Variants in CLPTM1L observed in about 807,000 individuals in gnomAD.
CLPTM1L encodes the protein CLPTM1 like, also known as lipid scramblase CLPTM1L.
CLPTM1L carries 38 observed loss-of-function variants against 70.9 expected under a neutral mutation model. That is an observed-to-expected ratio of 0.54 (90% CI 0.41 to 0.70). The LOEUF is 0.70. Among genes scored for constraint, CLPTM1L ranks in the 30% least tolerant of loss-of-function variants. The probability of loss-of-function intolerance (pLI) is 0.00; values close to 1 mark genes in which losing one functional copy is unlikely to be tolerated. For synonymous variants in CLPTM1L, 339 were observed against 299.9 expected, an observed-to-expected ratio of 1.13 and a Z score of -1.35; for missense variants, 652 against 705.9, an observed-to-expected ratio of 0.92 and a Z score of 0.87.
intron 8 of CLPTM1L, chr5:1,331,120 ACCG>A (rs1455826561): frequency 6.5e-6 from 1 of 153,370 alleles, no homozygotes; most frequent in Non-Finnish European, 1.4e-5. Context: ...CCCTGTCCAG[ACCG>A]CCGCTCCCCA....
chr5:1,323,985 G>A (rs1168034047), intron 11 of CLPTM1L, 116 bp from the exon 12 acceptor site: 3 of 812,372 alleles, frequency 3.7e-6, no homozygotes, highest in Non-Finnish European at 6.2e-6. Flanking sequence ...CGCTCAGGGT[G>A]GCAGGGCTGC....
At chr5:1,324,408 G>A (rs112982057) in intron 11 of CLPTM1L, among the ~76,000 whole-genome samples, 2,037 of 152,354 alleles carry the variant, frequency 0.013, 48 homozygotes, top group African/African-American at 0.045. Context: ...GCCACTGTGC[G>A]GCCGCGGCCA....
intron 1 of CLPTM1L, 23 bp from the exon 2 acceptor site, chr5:1,344,474 A>G (rs768637275): frequency 8.7e-6 from 14 of 1,600,580 alleles, no homozygotes; most frequent in Non-Finnish European, 1.2e-5. Flanking sequence ...GGGCGTCGAG[A>G]GTCAGCTCGG....
chr5:1,328,357 C>G (rs1160163703), intron 9 of CLPTM1L, among the ~76,000 whole-genome samples: 1 of 82,240 alleles, frequency 1.2e-5, no homozygotes, highest in African/African-American at 6.2e-5. Context: ...CCTCTACGGA[C>G]ACATTTCATC....
chr5:1,327,726 T>C (rs1443996601), intron 9 of CLPTM1L, among the ~76,000 whole-genome samples: 43 of 146,988 alleles, frequency 2.9e-4, no homozygotes, highest in East Asian at 8.4e-4. Context: ...GGACATTTCA[T>C]CCAGCTCCTC....
intron 7 of CLPTM1L, 102 bp from the exon 8 acceptor site, chr5:1,331,985 A>T: frequency 1.1e-6 from 1 of 927,122 alleles, no homozygotes. Flanking sequence ...CTGCAGGTGT[A>T]CTCAGCCTCA....
At position 1,334,317 on chromosome 5, in the gene CLPTM1L, G is replaced by C; in HGVS notation, c.863C>G (p.Ala288Gly). Residue 288 changes from alanine to glycine, a missense_variant, in exon 7 of 17, where the codon GCG (alanine) becomes GGG (glycine). Physicochemically the swap from Ala to Gly is moderately conservative, Grantham distance 60 (BLOSUM62 0). This residue lies in a region of CLPTM1L where 402 missense variants were observed against 388.2 expected (regional missense o/e 1.04). Coordinates refer to ENST00000320895, the MANE Select transcript of CLPTM1L (RefSeq NM_030782.5). ...GAACGCTGCGACAAAGAAGGTCAGC[G>C]CCAGGAAGTATAAGTTGGTATCTAC... ...IFVDTNLYFL[A>G]LTFFVAAFHL... 1 of 1,613,716 alleles carries C rather than the reference G, an allele frequency of 6.2e-7. No individual in the cohort carries two copies.
At chr5:1,333,801 G>GCAAGA (rs1753358428) in intron 7 of CLPTM1L, among the ~76,000 whole-genome samples, 1 of 140,578 alleles carries the variant, frequency 7.1e-6, no homozygotes, top group Non-Finnish European at 1.6e-5. Flanking sequence ...TATACACATC[G>GCAAGA]GGTAAGGGGG....
Position 1,331,856 on chromosome 5 carries a change from T to C in CLPTM1L, c.919A>G (p.Asn307Asp), listed in dbSNP as rs1317641000. The change falls in exon 8 of 17, where the codon AAT becomes GAT. Residue 307 changes from asparagine (N) to aspartate (D), a missense_variant. Coordinates refer to ENST00000320895, the MANE Select transcript of CLPTM1L (RefSeq NM_030782.5). ...TTCTTCTTCCAGAAACTGATGTCATTTTTAAAGGCCAGGAAATCAAAGAGA... is the reference window on the plus strand; with the variant it reads ...TTCTTCTTCCAGAAACTGATGTCATCTTTAAAGGCCAGGAAATCAAAGAGA... ...HLLFDFLAFK[N>D]DISFWKKKKS... The C allele has an allele frequency of 6.2e-7, 1 of 1,613,426 alleles. No homozygotes were observed. The highest frequency in any genetic ancestry group is 1.7e-5 in the Admixed American group (1 of 60,020).
rs1433544128 is a variant in CLPTM1L, at chr5:1,344,367, C to T, written c.247G>A (p.Glu83Lys). The T allele has an allele frequency of 1.2e-6, 2 of 1,613,310 alleles. No individual in the cohort carries two copies. The highest frequency in any genetic ancestry group is 2.2e-5 in the East Asian group (1 of 44,888). ...CGCCCATACCTTTCAAATTTGGACT[C>T]CACATCAAAGTCTTCCACATTCAAG... ...LVLNVEDFDVESKFERTVNVS... is the reference protein window; with the variant it reads ...LVLNVEDFDVKSKFERTVNVS... The change falls in exon 2 of 17, where the codon GAG (glutamate) becomes AAG (lysine). Residue 83 changes from glutamate (E) to lysine (K), a missense_variant. Physicochemically the swap from Glu to Lys is moderately conservative, Grantham distance 56 (BLOSUM62 1). Coordinates refer to ENST00000320895, the MANE Select transcript of CLPTM1L (RefSeq NM_030782.5).
intron 10 of CLPTM1L, 134 bp downstream of exon 10, chr5:1,325,617 C>T (rs1579624631): frequency 1.4e-6 from 1 of 721,770 alleles, no homozygotes; most frequent in South Asian, 1.6e-5. Flanking sequence ...ACCAGTGCTG[C>T]CTCCACCACG....
At chr5:1,321,969 G>A in intron 13 of CLPTM1L, 150 bp from the exon 14 acceptor site, 1 of 717,868 alleles carries the variant, frequency 1.4e-6, no homozygotes, top group Non-Finnish European at 2.5e-6. Flanking sequence ...CAACTTCAGA[G>A]TCCATCATGG....
intron 9 of CLPTM1L, among the ~76,000 whole-genome samples, chr5:1,328,812 C>T (rs1307705433): frequency 2.0e-5 from 3 of 151,554 alleles, no homozygotes; most frequent in African/African-American, 7.3e-5. Context: ...CCAGCTCCTG[C>T]TCTACAGACA....
At chr5:1,328,349 TCTA>T (rs1752779404) in intron 9 of CLPTM1L, among the ~76,000 whole-genome samples, 1 of 146,082 alleles carries the variant, frequency 6.8e-6, no homozygotes, top group Non-Finnish European at 1.5e-5. Context: ...CAGCTCCTCC[TCTA>T]CGGACACATT....
At chr5:1,329,298 T>C (rs370434780) in intron 9 of CLPTM1L, among the ~76,000 whole-genome samples, 2 of 152,268 alleles carry the variant, frequency 1.3e-5, no homozygotes, top group South Asian at 2.1e-4. Flanking sequence ...CTGGCCGCTG[T>C]GCTCAGATCT....
In CLPTM1L at chr5:1,335,065, T is replaced by C. The variant is rs772043717; in HGVS notation, c.788A>G (p.Gln263Arg). ...IHMQDAVYSLQQFGFSEKDAD... is the reference protein window; with the variant it reads ...IHMQDAVYSLRQFGFSEKDAD... ...CCGTGTGCGGCACATACCGAACTGC[T>C]GCAGGGAGTACACGGCGTCCTGCAT... Residue 263 changes from glutamine (Q) to arginine (R), a missense_variant, in exon 6 of 17, where the codon CAG becomes CGG. This residue lies in a region of CLPTM1L where 402 missense variants were observed against 388.2 expected (regional missense o/e 1.04). Transcript: ENST00000320895. 6.2e-7 allele frequency: 1 copy of C among 1,613,096 alleles called. No individual in the cohort carries two copies. Among genetic ancestry groups the C allele is most frequent in the Non-Finnish European group, 8.5e-7 (1 of 1,179,796 alleles).
rs3222913 is a variant in CLPTM1L at position 1,342,039 on chromosome 5, T to TGTGTGTGTGC, written c.264-180_264-179insGCACACACAC. ...GTGTGTGTGTGTGTGTGTGTGTGTGTGCACGCGCACGCGTGCGCGTCCTGA... is the reference window on the plus strand; with the variant it reads ...GTGTGTGTGTGTGTGTGTGTGTGTGTGTGTGTGTGCGCACGCGCACGCGTGCGCGTCCTGA... On this transcript the variant is annotated intron_variant, in intron 2 of 16. Coordinates refer to ENST00000320895, the MANE Select transcript of CLPTM1L (RefSeq NM_030782.5). This position sits in a 1 kb window ranked among gnomAD's most constrained non-coding sequence, Gnocchi z 4.3. Among the ~76,000 whole-genome samples, 606 of 149,084 alleles carry TGTGTGTGTGC rather than the reference T, an allele frequency of 4.1e-3. 14 individuals carry two copies. Among genetic ancestry groups the TGTGTGTGTGC allele is most frequent in the African/African-American group, 0.011 (447 of 39,780 alleles).
intron 2 of CLPTM1L, among the ~76,000 whole-genome samples, chr5:1,344,106 A>G (rs552754894): frequency 3.7e-4 from 56 of 152,360 alleles, no homozygotes; most frequent in African/African-American, 1.3e-3. Context: ...CCCGTCCAGG[A>G]CATCCCACTG....
Position 1,330,397 on chromosome 5 carries a change from G to A in CLPTM1L, c.977-14C>T. ...AGCGCCAGAGCACTGGGGACAGGAT[G>A]GTCGGGCTGGGAGGGGGTGCAGGGC... On this transcript the variant is annotated splice_polypyrimidine_tract_variant and intron_variant, in intron 8 of 16. Coordinates refer to ENST00000320895, the MANE Select transcript of CLPTM1L (RefSeq NM_030782.5). 6.2e-7 allele frequency: 1 copy of A among 1,609,960 alleles called. No homozygotes were observed.
Sources: allele counts gnomAD v4.1 joint callset (sites outside exome capture counted in the v4.1 genomes callset), GRCh38; gene constraint gnomAD v4.1.1; regional missense constraint gnomAD v4.1.1; non-coding constraint Gnocchi (gnomAD v3.1); transcripts MANE v1.5; gene names NCBI Gene and HGNC (gene_info 2026-07-23, HGNC 2026-07-21).